Variants in IGF2 observed in about 807,000 individuals in gnomAD.
IGF2 encodes insulin-like growth factor 2.
IGF2 carries 2 observed loss-of-function variants against 12.0 expected under a neutral mutation model. That is an observed-to-expected ratio of 0.17 (90% CI 0.07 to 0.52). IGF2 has a LOEUF of 0.52. Among genes scored for constraint, IGF2 ranks in the 20% least tolerant of loss-of-function variants. IGF2 has a pLI of 0.95. For synonymous variants in IGF2, 105 were observed against 110.1 expected (o/e 0.95, Z 0.29); for missense variants, 211 against 268.0 (o/e 0.79, Z 1.48).
Position 2,138,529 on chromosome 11 carries a change from A to T in IGF2, c.-307T>A. On this transcript the variant is annotated 5_prime_UTR_variant, in exon 1 of 4. Coordinates refer to ENST00000416167, the MANE Select transcript of IGF2 (RefSeq NM_000612.6). ...TGTTGTATCAAGGATAGAGGGGGGCAGAGATAGTGGGAGAGACAGAGTGAA... is the reference window on the plus strand; with the variant it reads ...TGTTGTATCAAGGATAGAGGGGGGCTGAGATAGTGGGAGAGACAGAGTGAA... The T allele has an allele frequency of 1.5e-6, 1 of 663,122 alleles. No individual in the cohort carries two copies. Among genetic ancestry groups the T allele is most frequent in the Non-Finnish European group, 1.8e-6 (1 of 566,524 alleles). 41.1% of individuals were successfully genotyped at this position (663,122 alleles called of 1,614,324 possible).
rs1441053263 is a variant in IGF2, at chr11:2,138,778, G to A, written c.-556C>T. Reference sequence around the variant, plus strand: ...AAGGGAAGGTTGCGGGAGAAAGAGCGGGGGCCGGGGCCAGACGCCAAGAGG... The same window carrying A: ...AAGGGAAGGTTGCGGGAGAAAGAGCAGGGGCCGGGGCCAGACGCCAAGAGG... On this transcript the variant is annotated 5_prime_UTR_variant, in exon 1 of 4. Coordinates refer to ENST00000416167, the MANE Select transcript of IGF2 (RefSeq NM_000612.6). 1.7e-5 allele frequency: 16 copies of A among 950,242 alleles called. No homozygotes were observed. The highest frequency in any genetic ancestry group is 6.2e-5 in the Admixed American group (1 of 16,124). 58.9% of individuals were successfully genotyped at this position (950,242 alleles called of 1,614,324 possible). A position where few individuals can be genotyped will look rare whatever the true frequency, so the allele number is the denominator to read the frequency against.
In IGF2 at chr11:2,138,360, G is replaced by C. The variant is rs1002225710; in HGVS notation, c.-138C>G. The C allele has an allele frequency of 3.1e-6, 3 of 976,076 alleles. No individual in the cohort carries two copies. The African/African-American group carries it at 5.3e-5, about 17-fold the overall frequency. The allele number at this position is 976,076 out of a possible 1,614,324, so 60.5% of individuals were successfully genotyped here. On this transcript the variant is annotated 5_prime_UTR_variant, in exon 1 of 4. Transcript: ENST00000416167. ...GAGTCGCGGGGGCCGAATGTGCGAC[G>C]GGGCAGAGCGGGGGGATGGCTTTTT...
chr11:2,136,922 G>A (rs1159115142), intron 1 of IGF2, among the ~76,000 whole-genome samples: 1 of 152,266 alleles, frequency 6.6e-6, no homozygotes, highest in Non-Finnish European at 1.5e-5. Flanking sequence ...ATGCAGCGGT[G>A]CGGAGCAGGT....
upstream of IGF2, chr11:2,140,122 G>C: frequency 6.2e-7 from 1 of 1,611,528 alleles, no homozygotes; most frequent in Non-Finnish European, 8.5e-7. Flanking sequence ...GGGAAACACA[G>C]CTCAAATCCT....
At chr11:2,134,655 C>A (rs1007268618) in intron 2 of IGF2, among the ~76,000 whole-genome samples, 6 of 152,196 alleles carry the variant, frequency 3.9e-5, no homozygotes, top group African/African-American at 1.4e-4. Context: ...GCGGCCCCTC[C>A]CCTGCCCCAT....
Position 2,133,411 on chromosome 11 carries a change from G to A in IGF2, c.306+106C>T. On this transcript the variant is annotated intron_variant, in intron 3 of 3. Transcript: ENST00000416167. This position sits in a 1 kb window ranked among gnomAD's most constrained non-coding sequence, Gnocchi z 8.9. ...CACACAGCAAGCAAGGAAGTCACGG[G>A]TCCTTGTCCCTGGCCAAGAGGTCCC... The A allele has an allele frequency of 7.7e-7, 1 of 1,304,138 alleles. No individual in the cohort carries two copies. Among genetic ancestry groups the A allele is most frequent in the Non-Finnish European group, 1.0e-6 (1 of 957,966 alleles). 80.8% of individuals were successfully genotyped at this position (1,304,138 alleles called of 1,614,324 possible). A position where few individuals can be genotyped will look rare whatever the true frequency, so the allele number is the denominator to read the frequency against.
rs1217856651 is a variant in IGF2, at chr11:2,138,485, A to G, written c.-263T>C. On this transcript the variant is annotated 5_prime_UTR_variant, in exon 1 of 4. Transcript: ENST00000416167. ...TTGTACTTTTCGGGGGGGAAAAGGTATCGGGAAATGAGGTCAGCTGTTGTA... is the reference window on the plus strand; with the variant it reads ...TTGTACTTTTCGGGGGGGAAAAGGTGTCGGGAAATGAGGTCAGCTGTTGTA... 7.9e-5 allele frequency: 72 copies of G among 915,628 alleles called. No homozygotes were observed. The highest frequency in any genetic ancestry group is 9.1e-5 in the Non-Finnish European group (71 of 780,720). 56.7% of individuals were successfully genotyped at this position (915,628 alleles called of 1,614,324 possible). A position where few individuals can be genotyped will look rare whatever the true frequency, so the allele number is the denominator to read the frequency against.
upstream of IGF2, chr11:2,146,138 C>T (rs1377102735): frequency 3.6e-5 from 17 of 474,128 alleles, no homozygotes; most frequent in Admixed American, 3.7e-4. Context: ...GACTCAGACT[C>T]ACCCCATGGA....
chr11:2,136,618 A>T (rs1477807734), intron 1 of IGF2, among the ~76,000 whole-genome samples: 1 of 152,246 alleles, frequency 6.6e-6, no homozygotes, highest in East Asian at 1.9e-4. Flanking sequence ...GGAGTTTTTG[A>T]TGCAATAAAT....
upstream of IGF2, among the ~76,000 whole-genome samples, chr11:2,144,010 A>G (rs1859758678): frequency 6.6e-6 from 1 of 152,166 alleles, no homozygotes; most frequent in African/African-American, 2.4e-5. Flanking sequence ...GCGGGCAGGT[A>G]GCGCGGAGCG....
At position 2,138,397 on chromosome 11, in the gene IGF2, G is replaced by GT. The variant is rs1859257554; in HGVS notation, c.-176_-175insA. On this transcript the variant is annotated 5_prime_UTR_variant, in exon 1 of 4. Transcript: ENST00000416167. Reference sequence around the variant, plus strand: ...GGGGATGGCTTTTTTTTGGGGGGGGGGGGAGAATTCGTCTGATTGTCCAGG... The same window carrying GT: ...GGGGATGGCTTTTTTTTGGGGGGGGGTGGGAGAATTCGTCTGATTGTCCAGG... The GT allele has an allele frequency of 2.1e-6, 1 of 486,686 alleles. No individual in the cohort carries two copies. Among genetic ancestry groups the GT allele is most frequent in the Non-Finnish European group, 2.6e-6 (1 of 378,130 alleles). 30.1% of individuals were successfully genotyped at this position (486,686 alleles called of 1,614,324 possible).
intron 1 of IGF2, chr11:2,137,214 G>T: frequency 1.0e-6 from 1 of 994,618 alleles, no homozygotes; most frequent in African/African-American, 1.7e-5. Context: ...GGCTCGCTGG[G>T]GCAGGAGGAG....
chr11:2,147,288 T>C, the IGF2 span: 1 of 328,332 alleles, frequency 3.0e-6, no homozygotes, highest in Non-Finnish European at 5.5e-6. This position sits in a 1 kb window ranked among gnomAD's most constrained non-coding sequence, Gnocchi z 7.2. Context: ...CCTGCCCCTC[T>C]CCCCTTCTTT....
upstream of IGF2, among the ~76,000 whole-genome samples, chr11:2,145,728 G>A (rs1859883228): frequency 6.6e-6 from 1 of 152,138 alleles, no homozygotes; most frequent in African/African-American, 2.4e-5. Flanking sequence ...GAGTGGGGGT[G>A]CACACATGTT....
chr11:2,134,509 G>A (rs1211653712), intron 2 of IGF2, among the ~76,000 whole-genome samples: 6 of 152,274 alleles, frequency 3.9e-5, no homozygotes, highest in Non-Finnish European at 5.9e-5. Flanking sequence ...CAAGCAGCAG[G>A]AACTTTTCAG....
In IGF2 at chr11:2,129,998, C is replaced by T. The variant is rs923150545; in HGVS notation, c.*2989G>A. ...CTGACCTCCCTACTCCCCGGCCTCA[C>T]CCCACCTTGCCCCCAAGAGGTCCCA... On this transcript the variant is annotated 3_prime_UTR_variant, in exon 4 of 4. Transcript: ENST00000416167. This position sits in a 1 kb window ranked among gnomAD's most constrained non-coding sequence, Gnocchi z 8.1. 2 of 230,558 alleles carry T rather than the reference C, an allele frequency of 8.7e-6. No individual in the cohort carries two copies. Among genetic ancestry groups the T allele is most frequent in the African/African-American group, 2.2e-5 (1 of 45,150 alleles). 14.3% of individuals were successfully genotyped at this position (230,558 alleles called of 1,614,324 possible).
chr11:2,133,261 T>A lies in IGF2; in HGVS notation c.307-38A>T. The A allele has an allele frequency of 1.5e-6, 2 of 1,369,930 alleles. No homozygotes were observed. Among genetic ancestry groups the A allele is most frequent in the Non-Finnish European group, 2.0e-6 (2 of 1,003,360 alleles). The allele number at this position is 1,369,930 out of a possible 1,614,324, so 84.9% of individuals were successfully genotyped here. A position where few individuals can be genotyped will look rare whatever the true frequency, so the allele number is the denominator to read the frequency against. ...GGGGCTGGTCAGCAGGTGCCTGCTC[T>A]CCACGCTCTTCCGCCTGAGCCGCCC... On this transcript the variant is annotated intron_variant, in intron 3 of 3. Transcript: ENST00000416167. The surrounding 1 kb of genome is among the most constrained non-coding windows in gnomAD (Gnocchi z 8.9).
At chr11:2,146,387 C>T in the IGF2 span, 4 of 535,062 alleles carry the variant, frequency 7.5e-6, no homozygotes, top group African/African-American at 5.8e-5. Context: ...ACCTTGCGCT[C>T]ACTCCCCTCG....
At chr11:2,148,059 C>T in the IGF2 span, 1 of 373,556 alleles carries the variant, frequency 2.7e-6, no homozygotes. This position sits in a 1 kb window ranked among gnomAD's most constrained non-coding sequence, Gnocchi z 4.3. Flanking sequence ...GATGGAGAGG[C>T]CGAGACCCTT....
Sources: gnomAD v4.1 joint callset for allele counts (sites outside exome capture counted in the v4.1 genomes callset) on GRCh38, gnomAD v4.1.1 for gene constraint, Gnocchi (gnomAD v3.1) non-coding constraint, MANE v1.5 for transcripts, NCBI Gene and HGNC (gene_info 2026-07-23, HGNC 2026-07-21) for gene names.